The following HIPK2 variants were observed in gnomAD, a reference collection of about 807,000 sequenced individuals.
HIPK2 encodes the protein homeodomain interacting protein kinase 2.
Under a neutral mutation model 113.7 loss-of-function variants are expected in HIPK2, and 27 were observed. The ratio of observed to expected loss-of-function variants is 0.24; its 90% CI spans 0.17 to 0.33. The LOEUF (loss-of-function observed/expected upper bound fraction) is 0.33. Ranked by LOEUF, HIPK2 falls within the 10% of genes least tolerant of loss-of-function variation. The pLI is 1.00. For synonymous variants in HIPK2, 631 were observed against 642.2 expected, an observed-to-expected ratio of 0.98 and a Z score of 0.26; for missense variants, 1,257 against 1,588.0, an observed-to-expected ratio of 0.79 and a Z score of 3.54.
In HIPK2 at chr7:139,630,332, C is replaced by T. The variant is rs1452274956; in HGVS notation, c.1347+833G>A. On this transcript the variant is annotated intron_variant, in intron 4 of 14. Coordinates refer to ENST00000406875, the MANE Select transcript of HIPK2 (RefSeq NM_022740.5). The surrounding 1 kb of genome is among the most constrained non-coding windows in gnomAD (Gnocchi z 4.0). ...CAGGCAGCCTCCTTTGCCTGGAACC[C>T]CTCTCCCTAACCCCCATCACCCCAG... 6.6e-6 allele frequency among the ~76,000 whole-genome samples: 1 copy of T among 152,120 alleles called. No homozygotes were observed. The highest frequency in any genetic ancestry group is 2.4e-5 in the African/African-American group (1 of 41,416).
intron 2 of HIPK2, among the ~76,000 whole-genome samples, chr7:139,651,852 T>C (rs1298151557): frequency 6.6e-6 from 1 of 152,202 alleles, no homozygotes; most frequent in East Asian, 1.9e-4. Context: ...GATGTTATGT[T>C]TCTGCAATGT....
intron 6 of HIPK2, among the ~76,000 whole-genome samples, chr7:139,622,736 T>C (rs753711904): frequency 1.3e-4 from 20 of 152,124 alleles, no homozygotes; most frequent in Non-Finnish European, 2.5e-4. Context: ...TCCCAGCAAG[T>C]TCTAGAGAAC....
chr7:139,617,384 T>A (rs916204375), intron 7 of HIPK2, among the ~76,000 whole-genome samples: 87 of 152,326 alleles, frequency 5.7e-4, no homozygotes, highest in African/African-American at 2.0e-3. Context: ...AGTTTATTGA[T>A]GACACAGGTT....
intron 1 of HIPK2, among the ~76,000 whole-genome samples, chr7:139,718,992 GTTC>G (rs754714001): frequency 6.6e-6 from 1 of 152,126 alleles, no homozygotes; most frequent in South Asian, 2.1e-4. Flanking sequence ...GTTTCAGCCC[GTTC>G]TTCTTAACCT....
intron 12 of HIPK2, 136 bp from the exon 13 acceptor site, chr7:139,584,200 C>T (rs1352754079): frequency 8.4e-7 from 1 of 1,185,572 alleles, no homozygotes; most frequent in Middle Eastern, 3.0e-4. Context: ...CTCCCTAACC[C>T]CCATAGGGAG....
chr7:139,626,022 C>T (rs997995268), intron 6 of HIPK2, among the ~76,000 whole-genome samples: 1 of 152,180 alleles, frequency 6.6e-6, no homozygotes, highest in Non-Finnish European at 1.5e-5. Flanking sequence ...TCTGTGCTCT[C>T]CTCTTCCCTC....
At chr7:139,648,944 C>T (rs1453030197) in intron 2 of HIPK2, among the ~76,000 whole-genome samples, 2 of 151,968 alleles carry the variant, frequency 1.3e-5, no homozygotes, top group African/African-American at 4.8e-5. Flanking sequence ...GAAGCAAAAC[C>T]CCAAACGGAA....
At chr7:139,746,799 C>G (rs1039724580) in intron 1 of HIPK2, among the ~76,000 whole-genome samples, 1 of 152,302 alleles carries the variant, frequency 6.6e-6, no homozygotes, top group Non-Finnish European at 1.5e-5. Flanking sequence ...TCTAGGCTAT[C>G]CCTTCACTGT....
intron 5 of HIPK2, among the ~76,000 whole-genome samples, chr7:139,627,259 G>T (rs566474059): frequency 6.6e-6 from 1 of 152,222 alleles, no homozygotes; most frequent in African/African-American, 2.4e-5. Context: ...TTTTAAAAAA[G>T]AGTCACGGCC....
intron 6 of HIPK2, among the ~76,000 whole-genome samples, chr7:139,623,998 A>G (rs1800333422): frequency 6.7e-6 from 1 of 149,784 alleles, no homozygotes; most frequent in Non-Finnish European, 1.5e-5. Flanking sequence ...GAGACCCTCC[A>G]TTACCTTCCC....
chr7:139,775,907 G>A (rs1254174055), intron 1 of HIPK2, among the ~76,000 whole-genome samples: 1 of 152,144 alleles, frequency 6.6e-6, no homozygotes, highest in Non-Finnish European at 1.5e-5. Context: ...CTAGTAACAG[G>A]GAAACCAGCC....
chr7:139,711,002 C>CTTT lies in HIPK2; in HGVS notation c.1103+4927_1103+4929dup, dbSNP rs77575517. ...CCGCAGAACTGTGAGTCAATTAAAC[C>CTTT]TTTTTTTTTTTAATAAATTACCCAG... On this transcript the variant is annotated intron_variant, in intron 2 of 14. Coordinates refer to ENST00000406875, the MANE Select transcript of HIPK2 (RefSeq NM_022740.5). Among the ~76,000 whole-genome samples, 589 of 147,754 alleles carry CTTT rather than the reference C, an allele frequency of 4.0e-3. 6 individuals carry two copies. The highest frequency in any genetic ancestry group is 0.014 in the Middle Eastern group (4 of 288).
intron 1 of HIPK2, among the ~76,000 whole-genome samples, chr7:139,755,043 C>T (rs1468752278): frequency 6.6e-6 from 1 of 152,152 alleles, no homozygotes; most frequent in Non-Finnish European, 1.5e-5. Context: ...GCCTCACTTC[C>T]AGCATGGGGG....
intron 9 of HIPK2, among the ~76,000 whole-genome samples, chr7:139,605,663 T>C (rs1799595559): frequency 6.6e-6 from 1 of 152,206 alleles, no homozygotes; most frequent in Non-Finnish European, 1.5e-5. Flanking sequence ...ATTTTCATGT[T>C]GCACCTGAGG....
At chr7:139,665,558 A>ACATCCATCCATC (rs71170908) in intron 2 of HIPK2, among the ~76,000 whole-genome samples, 2,387 of 148,176 alleles carry the variant, frequency 0.016, 31 homozygotes, top group Non-Finnish European at 0.023. Flanking sequence ...CCTCCTGGCC[A>ACATCCATCCATC]CATCCATCCA....
At position 139,762,683 on chromosome 7, in the gene HIPK2, C is replaced by T. The variant is rs553247542; in HGVS notation, c.19+14922G>A. Among the ~76,000 whole-genome samples, 269 of 152,292 alleles carry T rather than the reference C, an allele frequency of 1.8e-3. 1 individual carries two copies. Among genetic ancestry groups the T allele is most frequent in the African/African-American group, 5.9e-3 (244 of 41,554 alleles). On this transcript the variant is annotated intron_variant, in intron 1 of 14. Transcript: ENST00000406875. ...CAATTTCCTCGATTGCAGTTTCATACAAAAATCTGTATGAACAAAAGCATG... is the reference window on the plus strand; with the variant it reads ...CAATTTCCTCGATTGCAGTTTCATATAAAAATCTGTATGAACAAAAGCATG...
intron 6 of HIPK2, among the ~76,000 whole-genome samples, chr7:139,622,694 A>T (rs1010452862): frequency 6.6e-6 from 1 of 152,102 alleles, no homozygotes; most frequent in Non-Finnish European, 1.5e-5. Flanking sequence ...GGGCCTGGAG[A>T]TTTATCCTTG....
rs1295776362 is a variant in HIPK2, at chr7:139,606,667, T to C, written c.2113-2444A>G. 2.6e-5 allele frequency among the ~76,000 whole-genome samples: 4 copies of C among 152,242 alleles called. No individual in the cohort carries two copies. The East Asian group carries it at 7.7e-4, about 29-fold the overall frequency. ...GCCCCAAAGCAGGAGGCTAGACAATTCTCTCTAGGGGAAATGACTAGTCCA... is the reference window on the plus strand; with the variant it reads ...GCCCCAAAGCAGGAGGCTAGACAATCCTCTCTAGGGGAAATGACTAGTCCA... On this transcript the variant is annotated intron_variant, in intron 9 of 14. Transcript: ENST00000406875.
At chr7:139,763,055 G>A (rs1467747637) in intron 1 of HIPK2, among the ~76,000 whole-genome samples, 1 of 152,206 alleles carries the variant, frequency 6.6e-6, no homozygotes, top group East Asian at 1.9e-4. Flanking sequence ...ATTCCAGGAA[G>A]GGAAGACTGT....
Sources: allele counts gnomAD v4.1 joint callset (sites outside exome capture counted in the v4.1 genomes callset), GRCh38; gene constraint gnomAD v4.1.1; non-coding constraint Gnocchi (gnomAD v3.1); transcripts MANE v1.5; gene names NCBI Gene and HGNC (gene_info 2026-07-23, HGNC 2026-07-21).